BNC2: variants seen among roughly 807,000 people sequenced by gnomAD.
BNC2 encodes the protein zinc finger protein basonuclin-2.
A neutral mutation model predicts 76.3 loss-of-function variants in BNC2; 20 were observed. The observed-to-expected ratio is 0.26, with a 90% CI of 0.18 to 0.38. The LOEUF is 0.38. Ranked by LOEUF, BNC2 falls within the 10% of genes least tolerant of loss-of-function variation. BNC2 has a pLI of 1.00. For missense variants in BNC2, 1,382 were observed against 1,399.8 expected, an observed-to-expected ratio of 0.99 and a Z score of 0.20; for synonymous variants, 582 against 514.8, an observed-to-expected ratio of 1.13 and a Z score of -1.77.
At chr9:16,587,269 A>G (rs946292982) in intron 3 of BNC2, among the ~76,000 whole-genome samples, 1 of 149,376 alleles carries the variant, frequency 6.7e-6, no homozygotes, top group Non-Finnish European at 1.5e-5. Context: ...GCTGGAGTAC[A>G]GTGGTGAGAT....
chr9:16,440,869 A>G (rs572522705), intron 5 of BNC2, among the ~76,000 whole-genome samples: 32 of 152,360 alleles, frequency 2.1e-4, no homozygotes, highest in South Asian at 8.3e-4. Context: ...CCTGAATCAT[A>G]AAAGAGAAGC....
intron 5 of BNC2, among the ~76,000 whole-genome samples, chr9:16,465,790 A>C (rs906993722): frequency 6.6e-6 from 1 of 152,206 alleles, no homozygotes; most frequent in Non-Finnish European, 1.5e-5. Flanking sequence ...TGACTGGTAC[A>C]GAGTATGCAA....
At chr9:16,747,131 C>G (rs907275794) in intron 1 of BNC2, among the ~76,000 whole-genome samples, 1 of 152,070 alleles carries the variant, frequency 6.6e-6, no homozygotes, top group African/African-American at 2.4e-5. Context: ...TTTACAAGCA[C>G]AACCACTGCT....
At position 16,486,043 on chromosome 9, in the gene BNC2, T is replaced by C. The variant is rs535894430; in HGVS notation, c.670-48519A>G. On this transcript the variant is annotated intron_variant, in intron 5 of 6. Coordinates refer to ENST00000380672, the MANE Select transcript of BNC2 (RefSeq NM_017637.6). ...GATCTTAGTTCGAATCCTCTGAAAATAAATCACCCCAAAGCACTCAAGATT... is the reference window on the plus strand; with the variant it reads ...GATCTTAGTTCGAATCCTCTGAAAACAAATCACCCCAAAGCACTCAAGATT... Among the ~76,000 whole-genome samples the C allele has an allele frequency of 3.3e-5, 5 of 152,230 alleles. No individual in the cohort carries two copies. In the East Asian group the frequency reaches 9.7e-4, roughly 29 times the overall value.
chr9:16,501,120 C>CAG (rs35594846), intron 5 of BNC2, among the ~76,000 whole-genome samples: 84,760 of 151,852 alleles, frequency 0.56, 24,599 homozygotes, highest in African/African-American at 0.7. Context: ...ATACTTACTA[C>CAG]AGAGTTGGTG....
chr9:16,552,715 T>G lies in BNC2; in HGVS notation c.484A>C (p.Ile162Leu), dbSNP rs760540854. ...TCAAACACGACGTTGGACTGCACAA[T>G]CTCCACTTGGGTGGGGTGGTACAGG... Reference protein sequence around the residue: ...QHLYHPTQVEIVQSNVVFDIS... With the variant: ...QHLYHPTQVELVQSNVVFDIS... The change falls in exon 5 of 7, where the codon ATT becomes CTT. Residue 162 changes from isoleucine (I) to leucine (L), a missense_variant. Ile to Leu is a conservative substitution (Grantham distance 5). Coordinates refer to ENST00000380672, the MANE Select transcript of BNC2 (RefSeq NM_017637.6). 3.7e-6 allele frequency: 6 copies of G among 1,614,010 alleles called. No homozygotes were observed. The Admixed American group carries it at 1.0e-4, about 27-fold the overall frequency.
At chr9:16,861,621 T>A (rs1819412668) in intron 1 of BNC2, among the ~76,000 whole-genome samples, 1 of 152,058 alleles carries the variant, frequency 6.6e-6, no homozygotes, top group Non-Finnish European at 1.5e-5. Context: ...CACAGAGATA[T>A]CACTTCATAG....
intron 3 of BNC2, among the ~76,000 whole-genome samples, chr9:16,656,396 G>T (rs529862678): frequency 7.9e-5 from 12 of 152,244 alleles, no homozygotes; most frequent in Middle Eastern, 6.8e-3. Flanking sequence ...GTAGGATTCG[G>T]GGGTGGGGAG....
In BNC2 at chr9:16,569,475, C is replaced by T. The variant is rs143515536; in HGVS notation, c.433+13508G>A. Among the ~76,000 whole-genome samples, 55 of 152,242 alleles carry T rather than the reference C, an allele frequency of 3.6e-4. No individual in the cohort carries two copies. In the South Asian group the frequency reaches 5.2e-3, roughly 14 times the overall value. On this transcript the variant is annotated intron_variant, in intron 4 of 6. Coordinates refer to ENST00000380672, the MANE Select transcript of BNC2 (RefSeq NM_017637.6). ...ACACTGAGCTCCACTCGAGACTATACAGCCAATATTTCAAACTGAATGGCA... is the reference window on the plus strand; with the variant it reads ...ACACTGAGCTCCACTCGAGACTATATAGCCAATATTTCAAACTGAATGGCA...
At chr9:16,593,367 A>G (rs1819984484) in intron 3 of BNC2, among the ~76,000 whole-genome samples, 1 of 152,162 alleles carries the variant, frequency 6.6e-6, no homozygotes, top group African/African-American at 2.4e-5. Flanking sequence ...ATAAGCATCC[A>G]TAGTCATTAC....
At chr9:16,675,311 G>A (rs115451286) in intron 3 of BNC2, among the ~76,000 whole-genome samples, 47 of 151,820 alleles carry the variant, frequency 3.1e-4, no homozygotes, top group African/African-American at 7.2e-4. Context: ...TGGTGCTGTC[G>A]TAATGTGATA....
At chr9:16,691,380 G>T (rs1244816494) in intron 3 of BNC2, among the ~76,000 whole-genome samples, 1 of 152,028 alleles carries the variant, frequency 6.6e-6, no homozygotes, top group African/African-American at 2.4e-5. Flanking sequence ...TGCTTTACTC[G>T]AAAAACATCC....
chr9:16,521,611 ATTCT>A (rs750990828), intron 5 of BNC2, among the ~76,000 whole-genome samples: 1 of 152,094 alleles, frequency 6.6e-6, no homozygotes, highest in Non-Finnish European at 1.5e-5. Flanking sequence ...CTCACCAATA[ATTCT>A]TTCTATGTGT....
intron 1 of BNC2, among the ~76,000 whole-genome samples, chr9:16,839,565 G>A (rs990548330): frequency 6.6e-6 from 1 of 152,156 alleles, no homozygotes; most frequent in Non-Finnish European, 1.5e-5. Context: ...CAGGTTAGAA[G>A]AGAACCCCAT....
intron 3 of BNC2, among the ~76,000 whole-genome samples, chr9:16,707,685 G>A (rs140760377): frequency 5.3e-5 from 8 of 152,148 alleles, no homozygotes; most frequent in South Asian, 2.1e-4. Context: ...TCTGTTGCCC[G>A]GGCTGGAGTG....
chr9:16,767,048 A>G (rs1411918127), intron 1 of BNC2, among the ~76,000 whole-genome samples: 1 of 152,252 alleles, frequency 6.6e-6, no homozygotes, highest in Non-Finnish European at 1.5e-5. Context: ...GCTACCTTAC[A>G]TGGCATAGTC....
At chr9:16,665,171 C>T (rs1403544672) in intron 3 of BNC2, 1 of 417,082 alleles carries the variant, frequency 2.4e-6, no homozygotes, top group African/African-American at 2.1e-5. Flanking sequence ...GAGTTTGAGA[C>T]CAGCCTGAAA....
intron 3 of BNC2, among the ~76,000 whole-genome samples, chr9:16,588,690 A>T (rs746913393): frequency 3.9e-5 from 6 of 152,244 alleles, no homozygotes; most frequent in Admixed American, 6.5e-5. Flanking sequence ...AATATTAAAT[A>T]AAAGTACATT....
chr9:16,801,685 T>C (rs1299675316), intron 1 of BNC2, among the ~76,000 whole-genome samples: 1 of 150,516 alleles, frequency 6.6e-6, no homozygotes, highest in Non-Finnish European at 1.5e-5. Context: ...GAGAAAGCCA[T>C]GCCAAAAGAA....
Sources: gnomAD v4.1 joint callset for allele counts (sites outside exome capture counted in the v4.1 genomes callset) on GRCh38, gnomAD v4.1.1 for gene constraint, MANE v1.5 for transcripts, NCBI Gene and HGNC (gene_info 2026-07-23, HGNC 2026-07-21) for gene names.